Variants in RAI1 observed in about 807,000 individuals in gnomAD.
RAI1 encodes retinoic acid induced 1, also known as retinoic acid-induced protein 1.
A neutral mutation model predicts 123.8 loss-of-function variants in RAI1; 9 were observed. That is an observed-to-expected ratio of 0.07 (90% confidence interval 0.04 to 0.13). The LOEUF (loss-of-function observed/expected upper bound fraction) is 0.13. Ranked by LOEUF, RAI1 falls within the 10% of genes least tolerant of loss-of-function variation. The pLI is 1.00. For synonymous variants in RAI1, 1,231 were observed against 1,127.3 expected (o/e 1.09, Z -1.84); for missense variants, 2,256 against 2,545.8 (o/e 0.89, Z 2.45).
intron 1 of RAI1, among the ~76,000 whole-genome samples, chr17:17,693,518 G>C (rs1417504817): frequency 6.6e-6 from 1 of 152,228 alleles, no homozygotes; most frequent in Non-Finnish European, 1.5e-5. Flanking sequence ...AGCCATTGTC[G>C]AAGGTCAGGC....
rs189560603 is a variant in RAI1, at chr17:17,798,936, C to T, written c.5565+423C>T. Among the ~76,000 whole-genome samples, 367 of 152,338 alleles carry T rather than the reference C, an allele frequency of 2.4e-3. 4 individuals carry two copies. The highest frequency in any genetic ancestry group is 8.4e-3 in the African/African-American group (349 of 41,558). ...AAGAGCAAGTTGCCCACCCTCTGTT[C>T]CTGTCTCCATTGCCTCTGGGATGAA... On this transcript the variant is annotated intron_variant, in intron 3 of 5. Coordinates refer to ENST00000353383, the MANE Select transcript of RAI1 (RefSeq NM_030665.4).
chr17:17,701,234 C>T (rs543207983), intron 1 of RAI1, among the ~76,000 whole-genome samples: 10 of 152,312 alleles, frequency 6.6e-5, no homozygotes, highest in African/African-American at 2.4e-4. Context: ...GCCAGTCTGC[C>T]TGACTGCCCT....
chr17:17,688,348 G>A (rs1303328279), intron 1 of RAI1, among the ~76,000 whole-genome samples: 1 of 152,052 alleles, frequency 6.6e-6, no homozygotes, highest in African/African-American at 2.4e-5. Flanking sequence ...GTCAGGCGTA[G>A]TGTCACATGC....
intron 2 of RAI1, among the ~76,000 whole-genome samples, chr17:17,780,383 C>T (rs1428395179): frequency 6.6e-6 from 1 of 151,998 alleles, no homozygotes; most frequent in East Asian, 1.9e-4. Context: ...CTTTTTTTCT[C>T]CCAAGAAAAC....
At position 17,712,965 on chromosome 17, in the gene RAI1, G is replaced by A. The variant is rs113631997; in HGVS notation, c.-148-11063G>A. ...GAATCCAGAGAGACAGACAGGAGGT[G>A]AGCAATTGCCAGGGGCTGGGGGTGG... On this transcript the variant is annotated intron_variant, in intron 1 of 5. Coordinates refer to ENST00000353383, the MANE Select transcript of RAI1 (RefSeq NM_030665.4). Among the ~76,000 whole-genome samples, 1,095 of 151,914 alleles carry A rather than the reference G, an allele frequency of 7.2e-3. 14 individuals are homozygous for A. The highest frequency in any genetic ancestry group is 0.025 in the African/African-American group (1,038 of 41,386).
intron 1 of RAI1, among the ~76,000 whole-genome samples, chr17:17,708,288 C>CT (rs1404819450): frequency 2.0e-5 from 3 of 152,174 alleles, no homozygotes; most frequent in African/African-American, 4.8e-5. Context: ...TTGATGAACT[C>CT]TGAGAAGCTG....
At chr17:17,788,047 A>G (rs1174634517) in intron 2 of RAI1, among the ~76,000 whole-genome samples, 1 of 151,948 alleles carries the variant, frequency 6.6e-6, no homozygotes, top group African/African-American at 2.4e-5. Context: ...TCTGCTTCTC[A>G]CCCCATCACT....
At chr17:17,804,040 G>T in intron 4 of RAI1, 191 bp downstream of exon 4, 1 of 705,282 alleles carries the variant, frequency 1.4e-6, no homozygotes. Flanking sequence ...ACATGGAAAT[G>T]AGGCATTCCC....
intron 1 of RAI1, among the ~76,000 whole-genome samples, chr17:17,697,077 C>T (rs1915063257): frequency 6.6e-6 from 1 of 152,242 alleles, no homozygotes; most frequent in African/African-American, 2.4e-5. Context: ...CTGACCTATC[C>T]CTACTGCCAG....
Position 17,809,077 on chromosome 17 carries a change from A to G in RAI1, c.5660-313A>G. The G allele has an allele frequency of 2.2e-6, 1 of 450,256 alleles. No homozygotes were observed. Among genetic ancestry groups the G allele is most frequent in the East Asian group, 4.6e-5 (1 of 21,618 alleles). 27.9% of individuals were successfully genotyped at this position (450,256 alleles called of 1,614,324 possible). On this transcript the variant is annotated intron_variant, in intron 4 of 5. Coordinates refer to ENST00000353383, the MANE Select transcript of RAI1 (RefSeq NM_030665.4). The surrounding 1 kb of genome is among the most constrained non-coding windows in gnomAD (Gnocchi z 4.9). ...AGGCAGTGACAAGTGTGGCTGGCAG[A>G]GTAAGGCGGGAGGGAGGGAGGGACT...
chr17:17,746,878 G>A (rs185394920), intron 2 of RAI1, among the ~76,000 whole-genome samples: 4 of 151,550 alleles, frequency 2.6e-5, no homozygotes, highest in East Asian at 3.9e-4. Context: ...TGGGTGATCC[G>A]CCTGCCTCGG....
chr17:17,713,925 C>T (rs551782202), intron 1 of RAI1, among the ~76,000 whole-genome samples: 7 of 152,206 alleles, frequency 4.6e-5, no homozygotes, highest in East Asian at 1.9e-4. Flanking sequence ...TGCTCTGGTC[C>T]GCGTCTCTGA....
chr17:17,738,126 G>A (rs978723239), intron 2 of RAI1, among the ~76,000 whole-genome samples: 2 of 152,080 alleles, frequency 1.3e-5, no homozygotes, highest in African/African-American at 4.8e-5. Context: ...CACTCAGTAT[G>A]GCCTGAGTAT....
In RAI1 at chr17:17,809,571, C is replaced by T. The variant is rs1381503153; in HGVS notation, c.5709+132C>T. The stretch of plus-strand genomic sequence containing the variant: ...CAGGGCCCAGCCCTAGGGGAGGGAG[C>T]TCTCCCCGCCCACCCCCAGGAGCCC... On this transcript the variant is annotated intron_variant, in intron 5 of 5. Coordinates refer to ENST00000353383, the MANE Select transcript of RAI1 (RefSeq NM_030665.4). This position sits in a 1 kb window ranked among gnomAD's most constrained non-coding sequence, Gnocchi z 4.9. The T allele has an allele frequency of 2.0e-6, 2 of 981,630 alleles. No homozygotes were observed. Among genetic ancestry groups the T allele is most frequent in the South Asian group, 1.4e-5 (1 of 69,338 alleles). The allele number at this position is 981,630 out of a possible 1,614,324, so 60.8% of individuals were successfully genotyped here.
chr17:17,697,285 A>G (rs1412479307), intron 1 of RAI1, among the ~76,000 whole-genome samples: 1 of 152,258 alleles, frequency 6.6e-6, no homozygotes, highest in African/African-American at 2.4e-5. Flanking sequence ...CTGGATGGAA[A>G]AATCACAGAA....
At position 17,799,701 on chromosome 17, in the gene RAI1, A is replaced by G. The variant is rs2032390469; in HGVS notation, c.5565+1188A>G. Among the ~76,000 whole-genome samples, 1 of 152,130 alleles carries G rather than the reference A, an allele frequency of 6.6e-6. No individual in the cohort carries two copies. The highest frequency in any genetic ancestry group is 2.4e-5 in the African/African-American group (1 of 41,418). On this transcript the variant is annotated intron_variant, in intron 3 of 5. Transcript: ENST00000353383. This position sits in a 1 kb window ranked among gnomAD's most constrained non-coding sequence, Gnocchi z 4.5. ...TGGCAGGGGTCTCCAGAGGCCCTGG[A>G]CAAACACTGCCTGCATCTGAGTGAT...
intron 1 of RAI1, among the ~76,000 whole-genome samples, chr17:17,692,375 T>G (rs189326042): frequency 1.9e-3 from 285 of 152,300 alleles, no homozygotes; most frequent in African/African-American, 6.7e-3. Flanking sequence ...CTGAAAGGGA[T>G]GGAGAAAAGC....
intron 2 of RAI1, among the ~76,000 whole-genome samples, chr17:17,730,108 C>T (rs1165752210): frequency 6.6e-6 from 1 of 152,188 alleles, no homozygotes; most frequent in Non-Finnish European, 1.5e-5. Context: ...GCCCTTTGCA[C>T]TGAAGCAGGC....
At chr17:17,746,563 G>A (rs1385154963) in intron 2 of RAI1, among the ~76,000 whole-genome samples, 8 of 152,096 alleles carry the variant, frequency 5.3e-5, no homozygotes, top group African/African-American at 1.9e-4. Context: ...CCAAGGATGG[G>A]GGCTGCTGGG....
Sources: gnomAD v4.1 joint callset for allele counts (sites outside exome capture counted in the v4.1 genomes callset) on GRCh38, gnomAD v4.1.1 for gene constraint, Gnocchi (gnomAD v3.1) non-coding constraint, MANE v1.5 for transcripts, NCBI Gene and HGNC (gene_info 2026-07-23, HGNC 2026-07-21) for gene names.